UHMK1: variants seen among roughly 807,000 people sequenced by gnomAD.
UHMK1 encodes U2AF homology motif kinase 1, also known as serine/threonine-protein kinase Kist.
UHMK1 carries 18 observed loss-of-function variants against 44.0 expected under a neutral mutation model. The observed-to-expected ratio is 0.41, with a 90% confidence interval of 0.28 to 0.61. The LOEUF is 0.61. Ranked by LOEUF, UHMK1 falls within the 20% of genes least tolerant of loss-of-function variation. UHMK1 has a pLI of 0.31. For missense variants in UHMK1, 463 were observed against 522.5 expected, an observed-to-expected ratio of 0.89 and a Z score of 1.11; for synonymous variants, 231 against 198.5, an observed-to-expected ratio of 1.16 and a Z score of -1.38.
At chr1:162,518,476 A>G (rs1020450795) in intron 7 of UHMK1, among the ~76,000 whole-genome samples, 1 of 151,388 alleles carries the variant, frequency 6.6e-6, no homozygotes, top group African/African-American at 2.4e-5. Context: ...TGGGTGGATT[A>G]CTTGAGGTTA....
chr1:162,506,997 G>A (rs1306382459), intron 4 of UHMK1, among the ~76,000 whole-genome samples: 1 of 152,034 alleles, frequency 6.6e-6, no homozygotes, highest in Non-Finnish European at 1.5e-5. Context: ...TCAGAAATAC[G>A]GTATGTCTCT....
At chr1:162,509,118 G>A (rs1283028315) in intron 4 of UHMK1, among the ~76,000 whole-genome samples, 1 of 152,092 alleles carries the variant, frequency 6.6e-6, no homozygotes, top group Non-Finnish European at 1.5e-5. Context: ...CCATTTTTAT[G>A]TGAAAATTAT....
At position 162,498,060 on chromosome 1, in the gene UHMK1, G is replaced by T; in HGVS notation, c.60G>T (p.Gly20=). The change falls in exon 1 of 8, where the codon GGG becomes GGT. Residue 20 remains glycine, a synonymous_variant. Transcript: ENST00000489294. ...CGCCGCGTTTTCTGGAGGCCTTCGGGCGGCTGTGGCAGGTACAGAGCCGTC... is the reference window on the plus strand; with the variant it reads ...CGCCGCGTTTTCTGGAGGCCTTCGGTCGGCTGTGGCAGGTACAGAGCCGTC... ...AEPPRFLEAF[G]RLWQVQSRLG... 2 of 1,605,276 alleles carry T rather than the reference G, an allele frequency of 1.2e-6. No individual in the cohort carries two copies. Among genetic ancestry groups the T allele is most frequent in the East Asian group, 2.2e-5 (1 of 44,516 alleles).
chr1:162,521,657 G>C (rs540107972), intron 7 of UHMK1, among the ~76,000 whole-genome samples: 66 of 152,262 alleles, frequency 4.3e-4, no homozygotes, highest in African/African-American at 1.6e-3. Context: ...ATGGAGTCTT[G>C]CTCTGTTGTT....
intron 7 of UHMK1, among the ~76,000 whole-genome samples, chr1:162,519,315 TA>T (rs11372749): frequency 1.6e-4 from 24 of 145,840 alleles, no homozygotes; most frequent in Non-Finnish European, 2.3e-4. Flanking sequence ...GACTCCATCT[TA>T]AAAAAAAAAA....
At chr1:162,505,553 G>T (rs184811009) in intron 4 of UHMK1, among the ~76,000 whole-genome samples, 51 of 152,304 alleles carry the variant, frequency 3.3e-4, no homozygotes, top group African/African-American at 1.2e-3. Context: ...TGAGTGATGT[G>T]TTGCGATAGG....
At position 162,498,137 on chromosome 1, in the gene UHMK1, C is replaced by T. The variant is rs752007453; in HGVS notation, c.137C>T (p.Pro46Leu). The change falls in exon 1 of 8, where the codon CCT becomes CTT. Residue 46 changes from proline (P) to leucine (L), a missense_variant. Pro to Leu is a moderately conservative substitution (Grantham distance 98). This residue lies in a region of UHMK1 where 191 missense variants were observed against 176.0 expected (regional missense o/e 1.09). Coordinates refer to ENST00000489294, the MANE Select transcript of UHMK1 (RefSeq NM_175866.5). ...SVYRVRCCGN[P>L]GSPPGALKQF... Reference sequence around the variant, plus strand: ...TATCGGGTTCGCTGCTGCGGCAACCCTGGCTCGCCCCCCGGCGCCCTCAAG... The same window carrying T: ...TATCGGGTTCGCTGCTGCGGCAACCTTGGCTCGCCCCCCGGCGCCCTCAAG... 5.6e-6 allele frequency: 9 copies of T among 1,612,782 alleles called. No homozygotes were observed. Among genetic ancestry groups the T allele is most frequent in the South Asian group, 1.1e-5 (1 of 91,010 alleles).
rs1226063857 is a variant in UHMK1, at chr1:162,527,960, G to GA, written c.*5415dup. 6.6e-6 allele frequency: 1 copy of GA among 151,840 alleles called. No individual in the cohort carries two copies. Among genetic ancestry groups the GA allele is most frequent in the East Asian group, 1.9e-4 (1 of 5,190 alleles). The allele number at this position is 151,840 out of a possible 1,614,324, so 9.4% of individuals were successfully genotyped here. On this transcript the variant is annotated 3_prime_UTR_variant, in exon 8 of 8. Coordinates refer to ENST00000489294, the MANE Select transcript of UHMK1 (RefSeq NM_175866.5). ...TTTTTTTGGGGGGGGATCTTTATGT[G>GA]AAAAATCAGAGCTACTTGTTACCAT... is the stretch of plus-strand genomic sequence containing the variant.
rs537120557 is a variant in UHMK1 at position 162,515,674 on chromosome 1, G to A, written c.1025-2428G>A. On this transcript the variant is annotated intron_variant, in intron 6 of 7. Transcript: ENST00000489294. ...TACTACTTAGGTCCTTTTAGTCTTC[G>A]TCTTTGTAAAGACCTGCTGTCTTCA... Among the ~76,000 whole-genome samples, 13 of 152,244 alleles carry A rather than the reference G, an allele frequency of 8.5e-5. No homozygotes were observed. The South Asian group carries it at 1.0e-3, about 12-fold the overall frequency.
intron 4 of UHMK1, among the ~76,000 whole-genome samples, chr1:162,506,090 T>C (rs1651457508): frequency 6.6e-6 from 1 of 152,190 alleles, no homozygotes; most frequent in South Asian, 2.1e-4. Flanking sequence ...CTGATTGATA[T>C]GAGATATTAT....
At chr1:162,522,366 G>A (rs1378363197) in intron 7 of UHMK1, 38 bp from the exon 8 acceptor site, 1 of 1,608,556 alleles carries the variant, frequency 6.2e-7, no homozygotes, top group East Asian at 2.2e-5. Context: ...AAACAATCTT[G>A]GTGGAAATGA....
chr1:162,522,953 G>A lies in UHMK1; in HGVS notation c.*403G>A, dbSNP rs74116750. On this transcript the variant is annotated 3_prime_UTR_variant, in exon 8 of 8. Transcript: ENST00000489294. ...ACAGATTATTTCTTTATGTTGTCCA[G>A]TGGTTCTTCCTTATTGTTGATATCC... The A allele has an allele frequency of 0.013, 2,086 of 163,982 alleles. 43 individuals carry two copies. The highest frequency in any genetic ancestry group is 0.048 in the African/African-American group (1,987 of 41,676). 10.2% of individuals were successfully genotyped at this position (163,982 alleles called of 1,614,324 possible).
In UHMK1 at chr1:162,498,057, C is replaced by T; in HGVS notation, c.57C>T (p.Phe19=). 6.2e-7 allele frequency: 1 copy of T among 1,604,874 alleles called. No homozygotes were observed. Among genetic ancestry groups the T allele is most frequent in the Non-Finnish European group, 8.5e-7 (1 of 1,174,846 alleles). The part of the protein sequence containing the change: ...GAEPPRFLEA[F]GRLWQVQSRL... ...AGCCGCCGCGTTTTCTGGAGGCCTT[C>T]GGGCGGCTGTGGCAGGTACAGAGCC... Residue 19 remains phenylalanine (F), a synonymous_variant, in exon 1 of 8, where the codon TTC becomes TTT. Coordinates refer to ENST00000489294, the MANE Select transcript of UHMK1 (RefSeq NM_175866.5).
At chr1:162,499,074 T>G (rs1048449197) in intron 1 of UHMK1, among the ~76,000 whole-genome samples, 16 of 152,348 alleles carry the variant, frequency 1.1e-4, no homozygotes, top group Admixed American at 3.9e-4. Flanking sequence ...GGAAAAATTT[T>G]GCAAGCCTAG....
intron 7 of UHMK1, among the ~76,000 whole-genome samples, chr1:162,520,381 C>G (rs920229680): frequency 6.6e-6 from 1 of 152,138 alleles, no homozygotes; most frequent in Non-Finnish European, 1.5e-5. Context: ...GCTGTTTAGT[C>G]ATTTAACTGA....
At chr1:162,502,824 C>T (rs1238533460) in intron 3 of UHMK1, among the ~76,000 whole-genome samples, 1 of 152,162 alleles carries the variant, frequency 6.6e-6, no homozygotes. Flanking sequence ...CCATAGTTTG[C>T]TTTCTTTAAA....
Position 162,524,881 on chromosome 1 carries a change from A to G in UHMK1, c.*2331A>G, listed in dbSNP as rs558723869. 6.6e-6 allele frequency: 1 copy of G among 152,126 alleles called. No individual in the cohort carries two copies. Among genetic ancestry groups the G allele is most frequent in the Admixed American group, 6.5e-5 (1 of 15,274 alleles). The allele number at this position is 152,126 out of a possible 1,614,324, so 9.4% of individuals were successfully genotyped here. A position where few individuals can be genotyped will look rare whatever the true frequency, so the allele number is the denominator to read the frequency against. On this transcript the variant is annotated 3_prime_UTR_variant, in exon 8 of 8. Transcript: ENST00000489294. ...GAGCCTTGAATTAACCATGCATTTA[A>G]TTAGATTTTTTGTTGTTGTTGTTGT...
chr1:162,513,817 G>A (rs540007243), intron 6 of UHMK1, among the ~76,000 whole-genome samples: 2 of 152,304 alleles, frequency 1.3e-5, no homozygotes, highest in East Asian at 1.9e-4. Context: ...GATTTTATCC[G>A]AGAGATAGTA....
At chr1:162,499,791 C>T (rs975873236) in intron 1 of UHMK1, among the ~76,000 whole-genome samples, 164 bp from the exon 2 acceptor site, 3 of 151,994 alleles carry the variant, frequency 2.0e-5, no homozygotes, top group Non-Finnish European at 4.4e-5. Flanking sequence ...TAAAATAACC[C>T]AATTGCCAAA....
Sources: gnomAD v4.1 joint callset for allele counts (sites outside exome capture counted in the v4.1 genomes callset) on GRCh38, gnomAD v4.1.1 for gene constraint, gnomAD v4.1.1 regional missense constraint, MANE v1.5 for transcripts, NCBI Gene and HGNC (gene_info 2026-07-23, HGNC 2026-07-21) for gene names.